Variants in ATAD3A observed in about 807,000 individuals in gnomAD.
The protein encoded by ATAD3A is ATPase family AAA domain containing 3A.
ATAD3A carries 46 observed loss-of-function variants against 73.8 expected under a neutral mutation model. The observed-to-expected ratio is 0.62, with a 90% confidence interval of 0.49 to 0.80. The LOEUF (loss-of-function observed/expected upper bound fraction) is 0.80, where lower values mean the gene tolerates loss of function less well. Ranked by LOEUF, ATAD3A falls within the 30% of genes least tolerant of loss-of-function variation. ATAD3A has a pLI of 0.00. For missense variants in ATAD3A, 705 were observed against 838.0 expected, an observed-to-expected ratio of 0.84 and a Z score of 1.96; for synonymous variants, 319 against 350.0, an observed-to-expected ratio of 0.91 and a Z score of 0.99.
In ATAD3A at chr1:1,523,694, G is replaced by C. The variant is rs2100666466; in HGVS notation, c.963+127G>C. 1.9e-6 allele frequency: 3 copies of C among 1,590,198 alleles called. No homozygotes were observed. In the East Asian group the frequency reaches 6.8e-5, roughly 36 times the overall value. ...TTGGGTCCTGAGATGCGACTGCTTG[G>C]ACCGTGCTGGGGATAGATAGGCTGC... On this transcript the variant is annotated intron_variant, in intron 9 of 15. Coordinates refer to ENST00000378756, the MANE Select transcript of ATAD3A (RefSeq NM_001170535.3). The surrounding 1 kb of genome is among the most constrained non-coding windows in gnomAD (Gnocchi z 5.1).
At chr1:1,529,529 G>A (rs1408971268) in intron 15 of ATAD3A, among the ~76,000 whole-genome samples, 198 bp downstream of exon 15, 2 of 152,162 alleles carry the variant, frequency 1.3e-5, no homozygotes, top group Non-Finnish European at 2.9e-5. Context: ...GTGCCCTCAG[G>A]AGGGTGGAGC....
Position 1,520,395 on chromosome 1 carries a change from C to A in ATAD3A, c.680+89C>A. 1 of 1,588,376 alleles carries A rather than the reference C, an allele frequency of 6.3e-7. No homozygotes were observed. The highest frequency in any genetic ancestry group is 8.6e-7 in the Non-Finnish European group (1 of 1,164,296). On this transcript the variant is annotated intron_variant, in intron 6 of 15. Coordinates refer to ENST00000378756, the MANE Select transcript of ATAD3A (RefSeq NM_001170535.3). This position sits in a 1 kb window ranked among gnomAD's most constrained non-coding sequence, Gnocchi z 4.0. ...CAGGGCGCTCTCCAGCTCTTCCAGG[C>A]CTTGCCGCCGTAGGCTGACTCCTTG...
Position 1,523,793 on chromosome 1 carries a change from C to T in ATAD3A, c.964-46C>T. ...CCCGCAGCCCCTTCCCCTGAGGCTTCCATGGGTGCACAGTGTCTCCTCCAA... is the reference window on the plus strand; with the variant it reads ...CCCGCAGCCCCTTCCCCTGAGGCTTTCATGGGTGCACAGTGTCTCCTCCAA... On this transcript the variant is annotated intron_variant, in intron 9 of 15. Coordinates refer to ENST00000378756, the MANE Select transcript of ATAD3A (RefSeq NM_001170535.3). The surrounding 1 kb of genome is among the most constrained non-coding windows in gnomAD (Gnocchi z 5.1). 6.2e-7 allele frequency: 1 copy of T among 1,613,006 alleles called. No individual in the cohort carries two copies. The highest frequency in any genetic ancestry group is 1.1e-5 in the South Asian group (1 of 91,026).
In ATAD3A at chr1:1,523,460, TC is replaced by T. The variant is rs767964100; in HGVS notation, c.907-49del. 1.6e-4 allele frequency: 261 copies of T among 1,598,016 alleles called. 1 individual carries two copies. The African/African-American group carries it at 1.9e-3, about 11-fold the overall frequency. Reference sequence around the variant, plus strand: ...CGTGTGTGTGCGCGTTGGTGGCTGTTCCGTGGCTGTGGCAGGTGACCCGATG... The same window carrying T: ...CGTGTGTGTGCGCGTTGGTGGCTGTTCGTGGCTGTGGCAGGTGACCCGATG... On this transcript the variant is annotated intron_variant, in intron 8 of 15. Transcript: ENST00000378756. This position sits in a 1 kb window ranked among gnomAD's most constrained non-coding sequence, Gnocchi z 5.1.
intron 13 of ATAD3A, 45 bp downstream of exon 13, chr1:1,526,576 A>G: frequency 1.2e-6 from 2 of 1,611,496 alleles, no homozygotes; most frequent in South Asian, 1.1e-5. Context: ...AGGGCTGTGC[A>G]GCCGTCGCCC....
rs1269035014 is a variant in ATAD3A, at chr1:1,527,321, C to T, written c.1338-374C>T. 2.7e-6 allele frequency: 3 copies of T among 1,119,804 alleles called. No homozygotes were observed. In the Admixed American group the frequency reaches 1.0e-4, roughly 38 times the overall value. 69.4% of individuals were successfully genotyped at this position (1,119,804 alleles called of 1,614,324 possible). A position where few individuals can be genotyped will look rare whatever the true frequency, so the allele number is the denominator to read the frequency against. ...GCAAGGCTGGGGCCCTGCTGAGCCTCCAGTGAACCCGGGCCCCTGAGGTCC... is the reference window on the plus strand; with the variant it reads ...GCAAGGCTGGGGCCCTGCTGAGCCTTCAGTGAACCCGGGCCCCTGAGGTCC... On this transcript the variant is annotated intron_variant, in intron 13 of 15. Transcript: ENST00000378756.
rs555782801 is a variant in ATAD3A, at chr1:1,520,340, T to C, written c.680+34T>C. On this transcript the variant is annotated intron_variant, in intron 6 of 15. Transcript: ENST00000378756. The surrounding 1 kb of genome is among the most constrained non-coding windows in gnomAD (Gnocchi z 4.0). ...TGCCGAGGCCCGGGCCGGCCACAGATGGAGCCCCGCAGGTGTGAGTCGCTG... is the reference window on the plus strand; with the variant it reads ...TGCCGAGGCCCGGGCCGGCCACAGACGGAGCCCCGCAGGTGTGAGTCGCTG... 3.1e-6 allele frequency: 5 copies of C among 1,605,598 alleles called. No homozygotes were observed. In the South Asian group the frequency reaches 4.4e-5, roughly 14 times the overall value.
chr1:1,515,708 A>AT (rs1411287208), intron 1 of ATAD3A, among the ~76,000 whole-genome samples: 2 of 152,242 alleles, frequency 1.3e-5, no homozygotes, highest in African/African-American at 4.8e-5. Context: ...CACTTTAGCC[A>AT]TCGCCTGACT....
Position 1,517,319 on chromosome 1 carries a change from G to A in ATAD3A, c.291G>A (p.Glu97=). The change falls in exon 3 of 16, where the codon GAG becomes GAA. Residue 97 remains glutamate, a synonymous_variant. Transcript: ENST00000378756. ...LEQQSKLKEY[E]AAVEQLKSEQ... ...AGTGCTGTGCTCTGCAGGAGTATGA[G>A]GCCGCCGTGGAGCAGCTCAAGAGCG... 6.5e-7 allele frequency: 1 copy of A among 1,546,016 alleles called. No individual in the cohort carries two copies. The highest frequency in any genetic ancestry group is 8.7e-7 in the Non-Finnish European group (1 of 1,146,588).
At chr1:1,526,273 A>G (rs1641839812) in intron 12 of ATAD3A, among the ~76,000 whole-genome samples, 188 bp from the exon 13 acceptor site, 1 of 152,002 alleles carries the variant, frequency 6.6e-6, no homozygotes, top group Admixed American at 6.6e-5. Context: ...TGCCCGCCTC[A>G]GCCTCCCAAA....
chr1:1,526,805 C>T (rs1355836291), intron 13 of ATAD3A, among the ~76,000 whole-genome samples: 3 of 152,336 alleles, frequency 2.0e-5, no homozygotes, highest in Non-Finnish European at 2.9e-5. Context: ...TCCCTCTGCC[C>T]CTAGGTTTCT....
chr1:1,520,226 G>A lies in ATAD3A; in HGVS notation c.600G>A (p.Glu200=). The A allele has an allele frequency of 1.2e-6, 2 of 1,612,452 alleles. No individual in the cohort carries two copies. The highest frequency in any genetic ancestry group is 1.7e-6 in the Non-Finnish European group (2 of 1,179,716). ...AGGCCCGGGCGCGCGCCAAGGCCGA[G>A]CGGGAGAATGCAGACATCATCCGCG... is the stretch of plus-strand genomic sequence containing the variant. The part of the protein sequence containing the change: ...EAEARARAKA[E]RENADIIREQ... Residue 200 remains glutamate, a synonymous_variant, in exon 6 of 16, where the codon GAG becomes GAA. Coordinates refer to ENST00000378756, the MANE Select transcript of ATAD3A (RefSeq NM_001170535.3). The surrounding 1 kb of genome is among the most constrained non-coding windows in gnomAD (Gnocchi z 4.0).
rs113751252 is a variant in ATAD3A, at chr1:1,520,492, G to C, written c.681-56G>C. The C allele has an allele frequency of 6.2e-7, 1 of 1,613,756 alleles. No homozygotes were observed. The highest frequency in any genetic ancestry group is 8.5e-7 in the Non-Finnish European group (1 of 1,179,786). On this transcript the variant is annotated intron_variant, in intron 6 of 15. Coordinates refer to ENST00000378756, the MANE Select transcript of ATAD3A (RefSeq NM_001170535.3). This position sits in a 1 kb window ranked among gnomAD's most constrained non-coding sequence, Gnocchi z 4.0. ...AGGGCCTCACCCTCAACCTGCTCTC[G>C]CTGCGTGGCACGGATCTTCGTGTCC...
intron 7 of ATAD3A, among the ~76,000 whole-genome samples, chr1:1,521,584 A>C (rs1394173578): frequency 1.3e-5 from 2 of 152,202 alleles, no homozygotes; most frequent in Admixed American, 1.3e-4. Flanking sequence ...CTGTGACTGC[A>C]GCGCCTGCCG....
chr1:1,523,864 A>G lies in ATAD3A; in HGVS notation c.989A>G (p.Asp330Gly), dbSNP rs756017818. 27 of 1,613,866 alleles carry G rather than the reference A, an allele frequency of 1.7e-5. No individual in the cohort carries two copies. The highest frequency in any genetic ancestry group is 2.3e-5 in the Non-Finnish European group (27 of 1,180,014). ...LSPSLEARVR[D>G]IAIATRNTKK... ...CCCAGCCTGGAAGCACGGGTGCGCG[A>G]CATCGCCATAGCAACAAGGAACACC... Residue 330 changes from aspartate (D) to glycine (G), a missense_variant, in exon 10 of 16, where the codon GAC becomes GGC. Asp to Gly is a moderately conservative substitution (Grantham distance 94). This residue lies in a region of ATAD3A where 315 missense variants were observed against 334.1 expected (regional missense o/e 0.94). Transcript: ENST00000378756. This position sits in a 1 kb window ranked among gnomAD's most constrained non-coding sequence, Gnocchi z 5.1.
intron 7 of ATAD3A, among the ~76,000 whole-genome samples, chr1:1,521,329 A>AAAC (rs1641591785): frequency 6.7e-6 from 1 of 149,442 alleles, no homozygotes; most frequent in East Asian, 2.0e-4. Context: ...AAAAAAAAAA[A>AAAC]CCAGAAGGCA....
Position 1,518,909 on chromosome 1 carries a change from GCTT to G in ATAD3A, c.445-6_445-4del, listed in dbSNP as rs776010838. 1.4e-4 allele frequency: 234 copies of G among 1,614,096 alleles called. No individual in the cohort carries two copies. Among genetic ancestry groups the G allele is most frequent in the Admixed American group, 2.5e-4 (15 of 60,024 alleles). ...TTAAAGGCTTTTCTCTTTTTCTGCG[GCTT>G]CTTCTCAGCAACTTCTCAATGAGGA... On this transcript the variant is annotated splice_polypyrimidine_tract_variant and intron_variant, in intron 4 of 15. Transcript: ENST00000378756.
chr1:1,512,741 C>G (rs1409346074), intron 1 of ATAD3A: 10 of 1,132,886 alleles, frequency 8.8e-6, no homozygotes, highest in Admixed American at 4.6e-5. Flanking sequence ...GGGTCAGGGT[C>G]TGGGGCTGGC....
rs1275137235 is a variant in ATAD3A, at chr1:1,516,014, T to C, written c.208T>C (p.Tyr70His). Residue 70 changes from tyrosine (Y) to histidine (H), a missense_variant and splice_region_variant, in exon 2 of 16, where the codon TAT (tyrosine) becomes CAT (histidine). Around this residue, in one of 5 missense-constraint regions of ATAD3A, gnomAD observed 125 missense variants for 170.6 expected, o/e 0.73. Coordinates refer to ENST00000378756, the MANE Select transcript of ATAD3A (RefSeq NM_001170535.3). ...CCTCCGTGTCCTTGCGTCTGCAGGT[T>C]ATGCCAAGGACGCCCTGAATCTGGC... The part of the protein sequence containing the change: ...KAARELEHSR[Y>H]AKDALNLAQM... 6.2e-7 allele frequency: 1 copy of C among 1,614,048 alleles called. No individual in the cohort carries two copies. The highest frequency in any genetic ancestry group is 8.5e-7 in the Non-Finnish European group (1 of 1,179,940).
Sources: allele counts gnomAD v4.1 joint callset (sites outside exome capture counted in the v4.1 genomes callset), GRCh38; gene constraint gnomAD v4.1.1; regional missense constraint gnomAD v4.1.1; non-coding constraint Gnocchi (gnomAD v3.1); transcripts MANE v1.5; gene names NCBI Gene and HGNC (gene_info 2026-07-23, HGNC 2026-07-21).